The following SENP6 variants were observed in gnomAD, a reference collection of about 807,000 sequenced individuals.
SENP6 encodes sentrin-specific protease 6.
Under a neutral mutation model 134.5 loss-of-function variants are expected in SENP6, and 41 were observed. The observed-to-expected ratio is 0.30, with a 90% CI of 0.24 to 0.40. The LOEUF (loss-of-function observed/expected upper bound fraction) is 0.40, where lower values mean the gene tolerates loss of function less well. Among genes scored for constraint, SENP6 ranks in the 10% least tolerant of loss-of-function variants. The pLI, the probability that SENP6 is intolerant of heterozygous loss-of-function variation, is 1.00. For missense variants in SENP6, 1,248 were observed against 1,312.5 expected, an observed-to-expected ratio of 0.95 and a Z score of 0.76; for synonymous variants, 395 against 429.8, an observed-to-expected ratio of 0.92 and a Z score of 1.00.
At chr6:75,690,244 C>T (rs1774144108) in intron 16 of SENP6, among the ~76,000 whole-genome samples, 1 of 152,158 alleles carries the variant, frequency 6.6e-6, no homozygotes, top group African/African-American at 2.4e-5. Context: ...ATTTGCACAC[C>T]CATGTTCATA....
At chr6:75,622,154 T>C (rs1472427900) in intron 2 of SENP6, among the ~76,000 whole-genome samples, 4 of 152,206 alleles carry the variant, frequency 2.6e-5, no homozygotes, top group Non-Finnish European at 2.9e-5. Flanking sequence ...TTAAGCAAAG[T>C]GTTCATTACA....
chr6:75,630,583 A>G (rs1235899407), intron 3 of SENP6, among the ~76,000 whole-genome samples: 1 of 152,154 alleles, frequency 6.6e-6, no homozygotes, highest in Non-Finnish European at 1.5e-5. Context: ...GGTTTAAACT[A>G]TTATAGACTG....
At chr6:75,645,160 A>G (rs950320179) in intron 6 of SENP6, among the ~76,000 whole-genome samples, 9 of 152,192 alleles carry the variant, frequency 5.9e-5, no homozygotes, top group African/African-American at 2.2e-4. Flanking sequence ...ACCCACCTAC[A>G]CAGGAAGACA....
intron 7 of SENP6, among the ~76,000 whole-genome samples, chr6:75,652,683 CAAAA>C (rs71002754): frequency 1.1e-4 from 8 of 75,864 alleles, no homozygotes; most frequent in South Asian, 5.9e-4. Flanking sequence ...CTAAAAATCT[CAAAA>C]AAAAAAAAAA....
At chr6:75,685,184 A>T (rs201300347) in intron 16 of SENP6, among the ~76,000 whole-genome samples, 1 of 152,132 alleles carries the variant, frequency 6.6e-6, no homozygotes, top group East Asian at 1.9e-4. Flanking sequence ...GATTATTTGC[A>T]TAGAGGTGTT....
intron 1 of SENP6, among the ~76,000 whole-genome samples, chr6:75,612,557 T>G (rs1767535264): frequency 6.6e-6 from 1 of 152,114 alleles, no homozygotes; most frequent in Admixed American, 6.6e-5. Context: ...TCTCGACTTC[T>G]GGCCTCAAGC....
Position 75,678,698 on chromosome 6 carries a change from A to G in SENP6, c.1958+6A>G, listed in dbSNP as rs1317200278. 6.6e-7 allele frequency: 1 copy of G among 1,505,140 alleles called. No individual in the cohort carries two copies. Among genetic ancestry groups the G allele is most frequent in the South Asian group, 1.2e-5 (1 of 86,572 alleles). The allele number at this position is 1,505,140 out of a possible 1,614,324, so 93.2% of individuals were successfully genotyped here. A position where few individuals can be genotyped will look rare whatever the true frequency, so the allele number is the denominator to read the frequency against. On this transcript the variant is annotated splice_donor_region_variant and intron_variant, in intron 15 of 23. Coordinates refer to ENST00000447266, the MANE Select transcript of SENP6 (RefSeq NM_015571.4). ...TTCATTGGCCCAGTAGAAAAGTGAG[A>G]GAATTCCTTTATATTTGCAATGATC...
intron 7 of SENP6, among the ~76,000 whole-genome samples, chr6:75,652,699 A>AAAAAAAAAG (rs1770987155): frequency 6.7e-6 from 1 of 148,192 alleles, no homozygotes; most frequent in African/African-American, 2.6e-5. Context: ...AAAAAAAAAA[A>AAAAAAAAAG]AAAAGAAAAA....
At chr6:75,675,698 G>A (rs760864097) in intron 12 of SENP6, 162 bp from the exon 13 acceptor site, 3 of 829,012 alleles carry the variant, frequency 3.6e-6, no homozygotes, top group South Asian at 3.2e-5. Flanking sequence ...TTTCTTTAAG[G>A]CAGTTATAAA....
At chr6:75,645,131 C>CGGTTT (rs1357079023) in intron 6 of SENP6, among the ~76,000 whole-genome samples, 1 of 151,956 alleles carries the variant, frequency 6.6e-6, no homozygotes, top group Non-Finnish European at 1.5e-5. Flanking sequence ...AAACGCAAAC[C>CGGTTT]CTAAGAAGCA....
chr6:75,609,049 T>C (rs1167877392), intron 1 of SENP6, among the ~76,000 whole-genome samples: 1 of 152,252 alleles, frequency 6.6e-6, no homozygotes, highest in East Asian at 1.9e-4. Flanking sequence ...TGATTATTCC[T>C]GTTGCTATTA....
chr6:75,663,819 T>TGGGGG (rs1199601110), intron 9 of SENP6, among the ~76,000 whole-genome samples: 40 of 90,744 alleles, frequency 4.4e-4, no homozygotes, highest in Non-Finnish European at 6.9e-4. Context: ...TTTTTTTTTT[T>TGGGGG]GTGGGGGGGG....
At chr6:75,623,225 G>A (rs796710277) in intron 2 of SENP6, among the ~76,000 whole-genome samples, 43 of 152,204 alleles carry the variant, frequency 2.8e-4, no homozygotes, top group African/African-American at 1.0e-3. Flanking sequence ...TTTAAAAACT[G>A]TCTTTACGGT....
At chr6:75,672,236 GTTAT>G (rs752519223) in intron 11 of SENP6, among the ~76,000 whole-genome samples, 1 of 152,106 alleles carries the variant, frequency 6.6e-6, no homozygotes, top group East Asian at 1.9e-4. Flanking sequence ...CATTAATGCT[GTTAT>G]TTATAACTCT....
chr6:75,697,509 TA>T lies in SENP6; in HGVS notation c.2282del (p.Asn761MetfsTer39). 6.2e-7 allele frequency: 1 copy of T among 1,607,966 alleles called. No individual in the cohort carries two copies. Among genetic ancestry groups the T allele is most frequent in the Non-Finnish European group, 8.5e-7 (1 of 1,175,910 alleles). ...AGAAGGATTTTATTTTTGTACCCCT[TA>T]ATGAAGCGTGAGTAAGAATTTCCTT... ...FEKDFIFVPL[N>X]EAAHWFLAVV... is the part of the protein sequence containing the mutation. On this transcript the variant is annotated frameshift_variant, in exon 18 of 24. Transcript: ENST00000447266. LOFTEE classifies it high-confidence loss of function.
rs756097349 is a variant in SENP6, at chr6:75,623,896, G to T, written c.147-4G>T. 5.0e-6 allele frequency: 8 copies of T among 1,601,164 alleles called. No individual in the cohort carries two copies. Among genetic ancestry groups the T allele is most frequent in the Non-Finnish European group, 6.8e-6 (8 of 1,173,616 alleles). On this transcript the variant is annotated splice_region_variant and splice_polypyrimidine_tract_variant and intron_variant, in intron 2 of 23. Coordinates refer to ENST00000447266, the MANE Select transcript of SENP6 (RefSeq NM_015571.4). Reference sequence around the variant, plus strand: ...ATGTTTTTTTCCCCTTATTTTCTGTGTAGTGGGACAAATCTGCTCAGTGTG... The same window carrying T: ...ATGTTTTTTTCCCCTTATTTTCTGTTTAGTGGGACAAATCTGCTCAGTGTG...
intron 23 of SENP6, 130 bp from the exon 24 acceptor site, chr6:75,715,255 A>G (rs1482493029): frequency 4.4e-6 from 3 of 682,692 alleles, no homozygotes; most frequent in East Asian, 5.1e-5. Flanking sequence ...TTGGCATGTG[A>G]TAGATAATAC....
intron 11 of SENP6, among the ~76,000 whole-genome samples, chr6:75,673,231 T>C (rs775395275): frequency 2.4e-4 from 37 of 152,320 alleles, no homozygotes; most frequent in Admixed American, 1.9e-3. Flanking sequence ...ACAAATTCAT[T>C]TTTCAAATGA....
intron 19 of SENP6, among the ~76,000 whole-genome samples, chr6:75,707,729 T>C (rs1775499350): frequency 6.6e-6 from 1 of 151,704 alleles, no homozygotes; most frequent in Non-Finnish European, 1.5e-5. Flanking sequence ...TCATAGAAGT[T>C]AAGAGTACAG....
Sources: allele counts gnomAD v4.1 joint callset (sites outside exome capture counted in the v4.1 genomes callset), GRCh38; gene constraint gnomAD v4.1.1; transcripts MANE v1.5; gene names NCBI Gene and HGNC (gene_info 2026-07-23, HGNC 2026-07-21).